The following ZNF773 variants were observed in gnomAD, a reference collection of about 807,000 sequenced individuals.
ZNF773 encodes zinc finger protein 419B.
Under a neutral mutation model 12.8 loss-of-function variants are expected in ZNF773, and 11 were observed. The observed-to-expected ratio is 0.86, with a 90% CI of 0.54 to 1.42. ZNF773 has a LOEUF of 1.42. Among genes scored for constraint, ZNF773 ranks in the 40% most tolerant of loss-of-function variants. The probability of loss-of-function intolerance (pLI) is 0.00; values close to 1 mark genes in which losing one functional copy is unlikely to be tolerated. For synonymous variants in ZNF773, 175 were observed against 178.4 expected, an observed-to-expected ratio of 0.98 and a Z score of 0.15; for missense variants, 518 against 527.2, an observed-to-expected ratio of 0.98 and a Z score of 0.17.
chr19:57,504,222 T>C (rs1258492802), intron 1 of ZNF773, among the ~76,000 whole-genome samples: 1 of 152,080 alleles, frequency 6.6e-6, no homozygotes, highest in Non-Finnish European at 1.5e-5. Context: ...ATGTGTAGAC[T>C]AGAATGTGGT....
Position 57,507,759 on chromosome 19 carries a change from G to C in ZNF773, c.*335G>C. 1 of 1,039,630 alleles carries C rather than the reference G, an allele frequency of 9.6e-7. No individual in the cohort carries two copies. Among genetic ancestry groups the C allele is most frequent in the Non-Finnish European group, 1.2e-6 (1 of 849,228 alleles). 64.4% of individuals were successfully genotyped at this position (1,039,630 alleles called of 1,614,324 possible). ...GGAGGCTGAAGCGGGCGGATCACAAGGTCAGGACATCGAAACCATCCTGGT... is the reference window on the plus strand; with the variant it reads ...GGAGGCTGAAGCGGGCGGATCACAACGTCAGGACATCGAAACCATCCTGGT... On this transcript the variant is annotated 3_prime_UTR_variant, in exon 4 of 4. Transcript: ENST00000282292.
downstream of ZNF773, among the ~76,000 whole-genome samples, chr19:57,510,064 A>G (rs2089782899): frequency 6.6e-6 from 1 of 152,168 alleles, no homozygotes; most frequent in Non-Finnish European, 1.5e-5. Flanking sequence ...TTGTCCTTCA[A>G]ATCACCCCGC....
chr19:57,504,611 T>A (rs768453440), intron 1 of ZNF773, 46 bp from the exon 2 acceptor site: 52 of 1,606,138 alleles, frequency 3.2e-5, no homozygotes, highest in Non-Finnish European at 3.6e-5. Context: ...ATGCCTAAAT[T>A]CCCCAGTAAG....
chr19:57,501,128 C>T (rs1286466305), intron 1 of ZNF773, among the ~76,000 whole-genome samples: 1 of 152,150 alleles, frequency 6.6e-6, no homozygotes, highest in African/African-American at 2.4e-5. Flanking sequence ...GGAGCAGCAC[C>T]TTTGGTGCCT....
At chr19:57,502,525 G>C (rs1023355827) in intron 1 of ZNF773, among the ~76,000 whole-genome samples, 1 of 152,038 alleles carries the variant, frequency 6.6e-6, no homozygotes, top group Non-Finnish European at 1.5e-5. Context: ...CAGGGATTAC[G>C]GCCCAATCTT....
chr19:57,512,930 G>T, downstream of ZNF773: 2 of 1,373,166 alleles, frequency 1.5e-6, no homozygotes, highest in Admixed American at 3.6e-5. Flanking sequence ...GAAGCTCAGG[G>T]CCCTTGTTCC....
exon 5 of ZNF773, chr19:57,518,218 C>T (rs2089842648): frequency 6.6e-6 from 1 of 152,236 alleles, no homozygotes; most frequent in South Asian, 2.0e-4. Flanking sequence ...TGAGGGCAGT[C>T]ATACCCCACG....
chr19:57,517,746 C>T (rs927465245), downstream of ZNF773: 8 of 152,108 alleles, frequency 5.3e-5, no homozygotes, highest in African/African-American at 1.7e-4. Flanking sequence ...TTTGTAAAGG[C>T]CCATTTACAG....
intron 3 of ZNF773, 121 bp from the exon 4 acceptor site, chr19:57,506,237 A>G (rs2012426): frequency 0.19 from 281,221 of 1,467,780 alleles, 27,489 homozygotes; most frequent in African/African-American, 0.25. Context: ...ACCAAGCGCT[A>G]GCCCCCTCAT....
rs1171281770 is a variant in ZNF773 at position 57,506,559 on chromosome 19, A to C, written c.464A>C (p.Asp155Ala). 21 of 1,614,220 alleles carry C rather than the reference A, an allele frequency of 1.3e-5. No individual in the cohort carries two copies. The highest frequency in any genetic ancestry group is 1.8e-5 in the Non-Finnish European group (21 of 1,180,032). The change falls in exon 4 of 4, where the codon GAT becomes GCT. Residue 155 changes from aspartate to alanine, a missense_variant. By Grantham distance (126) the Asp-to-Ala change is moderately radical (BLOSUM62 -2). Coordinates refer to ENST00000282292, the MANE Select transcript of ZNF773 (RefSeq NM_198542.3). ...TTGCAAAGCAGGGAAGTTGGGAAGG[A>C]TCTTCTGACCAGCTCAGGTGTTCTC... The part of the protein sequence containing the change: ...KSLQSREVGK[D>A]LLTSSGVLKH...
At chr19:57,505,651 G>A (rs1292893459) in intron 3 of ZNF773, among the ~76,000 whole-genome samples, 2 of 151,676 alleles carry the variant, frequency 1.3e-5, no homozygotes, top group African/African-American at 4.8e-5. Context: ...CACTGAATGT[G>A]TGGTGAGGTG....
chr19:57,506,967 T>C lies in ZNF773; in HGVS notation c.872T>C (p.Val291Ala). 2 of 1,614,204 alleles carry C rather than the reference T, an allele frequency of 1.2e-6. No individual in the cohort carries two copies. Among genetic ancestry groups the C allele is most frequent in the South Asian group, 2.2e-5 (2 of 91,078 alleles). The change falls in exon 4 of 4, where the codon GTT (valine) becomes GCT (alanine). Residue 291 changes from valine (V) to alanine (A), a missense_variant. Coordinates refer to ENST00000282292, the MANE Select transcript of ZNF773 (RefSeq NM_198542.3). ...GCTTTCAGGCATAATTCCACACTTG[T>C]TCAGCATCACAGAATCCACACTGGA... ...GKAFRHNSTL[V>A]QHHRIHTGVR...
downstream of ZNF773, chr19:57,516,619 A>G (rs1298957133): frequency 6.6e-6 from 1 of 152,184 alleles, no homozygotes; most frequent in Non-Finnish European, 1.5e-5. Context: ...TTGAGTTACC[A>G]TGGAAAAATT....
At chr19:57,511,234 G>A (rs559794844), downstream of ZNF773, among the ~76,000 whole-genome samples, 134 of 151,932 alleles carry the variant, frequency 8.8e-4, no homozygotes, top group Non-Finnish European at 1.4e-3. Context: ...GTATTTTTTA[G>A]TAGAGACGGG....
Position 57,507,339 on chromosome 19 carries a change from A to T in ZNF773, c.1244A>T (p.Tyr415Phe), listed in dbSNP as rs1369636300. 2 of 1,614,118 alleles carry T rather than the reference A, an allele frequency of 1.2e-6. No homozygotes were observed. The highest frequency in any genetic ancestry group is 1.3e-5 in the African/African-American group (1 of 74,946). The change falls in exon 4 of 4, where the codon TAT becomes TTT. Residue 415 changes from tyrosine to phenylalanine, a missense_variant. By Grantham distance (22) the Tyr-to-Phe change is conservative (BLOSUM62 3). Coordinates refer to ENST00000282292, the MANE Select transcript of ZNF773 (RefSeq NM_198542.3). Reference sequence around the variant, plus strand: ...AGGGTTCACACTGGAGCAAAGCCTTATGAGTGCAGGGAATGTGGGAAATTT... The same window carrying T: ...AGGGTTCACACTGGAGCAAAGCCTTTTGAGTGCAGGGAATGTGGGAAATTT... ...HQRVHTGAKP[Y>F]ECRECGKFFR...
chr19:57,500,060 G>T lies in ZNF773; in HGVS notation c.-21G>T. ...GGCCCGGGCCCTTTCCTCGGTCGTT[G>T]TCTCACCGCCACAGGCTCCGATGGC... On this transcript the variant is annotated 5_prime_UTR_variant, in exon 1 of 4. Transcript: ENST00000282292. The T allele has an allele frequency of 6.3e-7, 1 of 1,588,590 alleles. No homozygotes were observed. The highest frequency in any genetic ancestry group is 8.6e-7 in the Non-Finnish European group (1 of 1,169,150).
At chr19:57,512,870 G>A (rs763542333), downstream of ZNF773, 2 of 755,714 alleles carry the variant, frequency 2.6e-6, no homozygotes, top group Admixed American at 4.4e-5. Context: ...CTGACCAACT[G>A]TTACGTCTTC....
chr19:57,507,442 G>C lies in ZNF773; in HGVS notation c.*18G>C. 6.4e-7 allele frequency: 1 copy of C among 1,565,472 alleles called. No homozygotes were observed. Among genetic ancestry groups the C allele is most frequent in the Non-Finnish European group, 8.6e-7 (1 of 1,159,740 alleles). ...TACAATGATTGTGAGAAATCCTTTA[G>C]CTGGTGTTTCAACCTCATTCAACAC... On this transcript the variant is annotated 3_prime_UTR_variant, in exon 4 of 4. Coordinates refer to ENST00000282292, the MANE Select transcript of ZNF773 (RefSeq NM_198542.3).
intron 1 of ZNF773, among the ~76,000 whole-genome samples, chr19:57,501,538 A>G (rs964949573): frequency 2.6e-5 from 4 of 152,178 alleles, no homozygotes; most frequent in African/African-American, 9.7e-5. Flanking sequence ...CATTATTGCC[A>G]TGTTGCAGAT....
Sources: gnomAD v4.1 joint callset for allele counts (sites outside exome capture counted in the v4.1 genomes callset) on GRCh38, gnomAD v4.1.1 for gene constraint, MANE v1.5 for transcripts, NCBI Gene and HGNC (gene_info 2026-07-23, HGNC 2026-07-21) for gene names.